The following ELK4 variants were observed in gnomAD, a reference collection of about 807,000 sequenced individuals.
The protein encoded by ELK4 is ETS transcription factor ELK4, also known as ETS domain-containing protein Elk-4.
A neutral mutation model predicts 29.6 loss-of-function variants in ELK4; 16 were observed. The observed-to-expected ratio is 0.54, with a 90% CI of 0.37 to 0.82. ELK4 has a LOEUF of 0.82. Ranked by LOEUF, ELK4 falls within the 40% of genes least tolerant of loss-of-function variation. The pLI is 0.00. For synonymous variants in ELK4, 213 were observed against 191.1 expected, an observed-to-expected ratio of 1.11 and a Z score of -0.95; for missense variants, 465 against 507.1, an observed-to-expected ratio of 0.92 and a Z score of 0.80.
chr1:205,612,806 G>A lies in ELK4; in HGVS notation c.*3740C>T, dbSNP rs1384558568. The A allele has an allele frequency of 1.9e-5, 4 of 207,566 alleles. No homozygotes were observed. The highest frequency in any genetic ancestry group is 4.6e-5 in the African/African-American group (2 of 43,880). The allele number at this position is 207,566 out of a possible 1,614,324, so 12.9% of individuals were successfully genotyped here. ...TACAGCTCCAGAATTCCAAACCTCT[G>A]ATTTACTTAAGTCAGTCTTGACTTT... is the stretch of plus-strand genomic sequence containing the variant. On this transcript the variant is annotated 3_prime_UTR_variant, in exon 5 of 5. Coordinates refer to ENST00000357992, the MANE Select transcript of ELK4 (RefSeq NM_001973.4).
chr1:205,620,553 A>G lies in ELK4; in HGVS notation c.493T>C (p.Leu165=), dbSNP rs769115546. The change falls in exon 3 of 5, where the codon TTG becomes CTG. Residue 165 remains leucine, a synonymous_variant. Coordinates refer to ENST00000357992, the MANE Select transcript of ELK4 (RefSeq NM_001973.4). ...LNSSNVKLFK[L]IKTENPAEKL... ...TCGGCTGGATTCTCAGTCTTTATCA[A>G]TTTGAAAAGCTTTACATTGGAGGAG... The G allele has an allele frequency of 3.7e-6, 6 of 1,614,180 alleles. No homozygotes were observed. The highest frequency in any genetic ancestry group is 4.2e-6 in the Non-Finnish European group (5 of 1,180,040).
At chr1:205,624,087 C>T (rs1670405751) in intron 1 of ELK4, among the ~76,000 whole-genome samples, 196 bp from the exon 2 acceptor site, 1 of 152,176 alleles carries the variant, frequency 6.6e-6, no homozygotes, top group Non-Finnish European at 1.5e-5. Flanking sequence ...TACAACATCA[C>T]ACAAGTAAAC....
Position 205,631,772 on chromosome 1 carries a change from C to A in ELK4, c.-150G>T. On this transcript the variant is annotated 5_prime_UTR_variant, in exon 1 of 5. Transcript: ENST00000357992. ...CCCGCGGCGGAGCCGTAGAAGGCGG[C>A]GGCGGCCAAGCCGAGCCCGCCGGGT... 1 of 244,642 alleles carries A rather than the reference C, an allele frequency of 4.1e-6. No individual in the cohort carries two copies. The highest frequency in any genetic ancestry group is 8.5e-6 in the Non-Finnish European group (1 of 116,994). The allele number at this position is 244,642 out of a possible 1,614,324, so 15.2% of individuals were successfully genotyped here. A position where few individuals can be genotyped will look rare whatever the true frequency, so the allele number is the denominator to read the frequency against.
Position 205,609,963 on chromosome 1 carries a change from C to A in ELK4, c.*6583G>T, listed in dbSNP as rs982629983. ...AAGAAATAAACCTTACTTCTCTGAC[C>A]CTCAATATCCTTAAGTTGAAATTAA... is the stretch of plus-strand genomic sequence containing the variant. On this transcript the variant is annotated 3_prime_UTR_variant, in exon 5 of 5. Coordinates refer to ENST00000357992, the MANE Select transcript of ELK4 (RefSeq NM_001973.4). The A allele has an allele frequency of 5.7e-5, 13 of 230,038 alleles. No individual in the cohort carries two copies. Among genetic ancestry groups the A allele is most frequent in the Non-Finnish European group, 9.5e-5 (11 of 116,126 alleles). 14.2% of individuals were successfully genotyped at this position (230,038 alleles called of 1,614,324 possible).
chr1:205,625,781 C>G, intron 1 of ELK4: 1 of 631,038 alleles, frequency 1.6e-6, no homozygotes, highest in Non-Finnish European at 2.9e-6. Context: ...TGGGTTCAAG[C>G]GATTCTCCTG....
intron 2 of ELK4, among the ~76,000 whole-genome samples, chr1:205,621,120 G>A (rs926412944): frequency 2.0e-5 from 3 of 150,588 alleles, no homozygotes; most frequent in Non-Finnish European, 3.0e-5. Context: ...CCTTGAACCC[G>A]GGAGGCGGAG....
At chr1:205,618,620 T>TG (rs1466466664) in intron 4 of ELK4, among the ~76,000 whole-genome samples, 2 of 152,172 alleles carry the variant, frequency 1.3e-5, no homozygotes, top group Non-Finnish European at 2.9e-5. Context: ...GGTCAGGAGT[T>TG]GGAGACCAGT....
rs769934860 is a variant in ELK4, at chr1:205,612,846, T to C, written c.*3700A>G. 5.9e-5 allele frequency: 12 copies of C among 203,618 alleles called. No individual in the cohort carries two copies. Among genetic ancestry groups the C allele is most frequent in the African/African-American group, 2.8e-4 (12 of 43,624 alleles). 12.6% of individuals were successfully genotyped at this position (203,618 alleles called of 1,614,324 possible). A position where few individuals can be genotyped will look rare whatever the true frequency, so the allele number is the denominator to read the frequency against. On this transcript the variant is annotated 3_prime_UTR_variant, in exon 5 of 5. Coordinates refer to ENST00000357992, the MANE Select transcript of ELK4 (RefSeq NM_001973.4). ...GTCTTGACTTTTAAAATCTGTAATATAGTATGTAAATCTTCAAGGAATTTT... is the reference window on the plus strand; with the variant it reads ...GTCTTGACTTTTAAAATCTGTAATACAGTATGTAAATCTTCAAGGAATTTT...
At chr1:205,623,564 C>G in intron 2 of ELK4, 112 bp downstream of exon 2, 1 of 1,213,652 alleles carries the variant, frequency 8.2e-7, no homozygotes, top group South Asian at 1.4e-5. Context: ...ATCCACCCTC[C>G]TTGGCCTCCC....
rs556098704 is a variant in ELK4, at chr1:205,610,712, T to C, written c.*5834A>G. 8.6e-6 allele frequency: 2 copies of C among 232,104 alleles called. No individual in the cohort carries two copies. Among genetic ancestry groups the C allele is most frequent in the South Asian group, 3.6e-4 (2 of 5,512 alleles). 14.4% of individuals were successfully genotyped at this position (232,104 alleles called of 1,614,324 possible). A position where few individuals can be genotyped will look rare whatever the true frequency, so the allele number is the denominator to read the frequency against. On this transcript the variant is annotated 3_prime_UTR_variant, in exon 5 of 5. Transcript: ENST00000357992. ...GCAAAGTGCAGCAAATTTTTTTAAGTTTTAGTATAAAATAGACTAGGAGCC... is the reference window on the plus strand; with the variant it reads ...GCAAAGTGCAGCAAATTTTTTTAAGCTTTAGTATAAAATAGACTAGGAGCC...
chr1:205,628,611 T>C (rs921662452), intron 1 of ELK4, among the ~76,000 whole-genome samples: 1 of 152,184 alleles, frequency 6.6e-6, no homozygotes, highest in Non-Finnish European at 1.5e-5. Context: ...GTTTAAAGCC[T>C]CAGCTATACA....
At chr1:205,619,522 T>C in intron 3 of ELK4, 3 of 1,109,352 alleles carry the variant, frequency 2.7e-6, no homozygotes, top group Non-Finnish European at 2.2e-6. Context: ...AAATGTTCTA[T>C]GAGATGAGCA....
At position 205,631,625 on chromosome 1, in the gene ELK4, C is replaced by T. The variant is rs2102389604; in HGVS notation, c.-10+7G>A. The stretch of plus-strand genomic sequence containing the variant: ...TCCCGAGGGGGCGCGCGGGGCTGAC[C>T]GCTCACCGACGCCGCGCGCGGGGCT... On this transcript the variant is annotated splice_region_variant and intron_variant, in intron 1 of 4. Transcript: ENST00000357992. 3.2e-6 allele frequency: 1 copy of T among 314,602 alleles called. No homozygotes were observed. 19.5% of individuals were successfully genotyped at this position (314,602 alleles called of 1,614,324 possible).
chr1:205,622,488 A>G (rs1670370585), intron 2 of ELK4, among the ~76,000 whole-genome samples: 1 of 152,074 alleles, frequency 6.6e-6, no homozygotes, highest in South Asian at 2.1e-4. Context: ...CAACCACTTG[A>G]GCTTAAGTGA....
chr1:205,616,026 A>C lies in ELK4; in HGVS notation c.*520T>G. The C allele has an allele frequency of 4.4e-6, 1 of 225,622 alleles. No individual in the cohort carries two copies. Among genetic ancestry groups the C allele is most frequent in the East Asian group, 6.5e-5 (1 of 15,280 alleles). The allele number at this position is 225,622 out of a possible 1,614,324, so 14.0% of individuals were successfully genotyped here. ...TCCAATCTTACTTTGTATGAATAGG[A>C]ATGATTCTTCTTCTTCCACTGCTTA... On this transcript the variant is annotated 3_prime_UTR_variant, in exon 5 of 5. Coordinates refer to ENST00000357992, the MANE Select transcript of ELK4 (RefSeq NM_001973.4).
In ELK4 at chr1:205,620,545, C is replaced by G; in HGVS notation, c.501G>C (p.Lys167Asn). 1 of 1,614,118 alleles carries G rather than the reference C, an allele frequency of 6.2e-7. No homozygotes were observed. The highest frequency in any genetic ancestry group is 8.5e-7 in the Non-Finnish European group (1 of 1,180,034). The change falls in exon 3 of 5, where the codon AAG (lysine) becomes AAC (asparagine). Residue 167 changes from lysine (K) to asparagine (N), a missense_variant. By Grantham distance (94) the Lys-to-Asn change is moderately conservative. Transcript: ENST00000357992. ...CCAGTTTCTCGGCTGGATTCTCAGT[C>G]TTTATCAATTTGAAAAGCTTTACAT... is the stretch of plus-strand genomic sequence containing the variant. ...SSNVKLFKLI[K>N]TENPAEKLAE...
At chr1:205,621,162 T>TC (rs1234893206) in intron 2 of ELK4, among the ~76,000 whole-genome samples, 1 of 118,972 alleles carries the variant, frequency 8.4e-6, no homozygotes, top group African/African-American at 3.3e-5. Context: ...ACCACTGCAC[T>TC]CCAGCCTGGT....
chr1:205,629,827 G>T (rs569139376), intron 1 of ELK4, among the ~76,000 whole-genome samples: 5 of 152,276 alleles, frequency 3.3e-5, no homozygotes, highest in South Asian at 2.1e-4. Flanking sequence ...GGAGGCCAAG[G>T]GGGGAGCTTG....
chr1:205,625,694 T>TG (rs1378721312), intron 1 of ELK4: 4 of 769,732 alleles, frequency 5.2e-6, no homozygotes, highest in Admixed American at 1.9e-5. Flanking sequence ...TTTTTTTTTT[T>TG]GTGAGATGGA....
Sources: gnomAD v4.1 joint callset for allele counts (sites outside exome capture counted in the v4.1 genomes callset) on GRCh38, gnomAD v4.1.1 for gene constraint, MANE v1.5 for transcripts, NCBI Gene and HGNC (gene_info 2026-07-23, HGNC 2026-07-21) for gene names.